The following UBXN2B variants were observed in gnomAD, a reference collection of about 807,000 sequenced individuals.
UBXN2B encodes the protein UBX domain-containing protein 2B.
Under a neutral mutation model 37.5 loss-of-function variants are expected in UBXN2B, and 19 were observed. The ratio of observed to expected loss-of-function variants is 0.51; its 90% CI spans 0.35 to 0.74. The LOEUF (loss-of-function observed/expected upper bound fraction) is 0.74. Ranked by LOEUF, UBXN2B falls within the 30% of genes least tolerant of loss-of-function variation. UBXN2B has a pLI of 0.01. For synonymous variants in UBXN2B, 145 were observed against 143.8 expected (o/e 1.01, Z -0.06); for missense variants, 370 against 393.2 (o/e 0.94, Z 0.50).
chr8:58,419,883 C>T (rs1209443373), intron 2 of UBXN2B, among the ~76,000 whole-genome samples: 1 of 152,208 alleles, frequency 6.6e-6, no homozygotes, highest in African/African-American at 2.4e-5. Flanking sequence ...AGGCCCCATG[C>T]TTAGAAGGGC....
chr8:58,416,067 CA>C (rs1331957085), intron 1 of UBXN2B, among the ~76,000 whole-genome samples: 102 of 118,456 alleles, frequency 8.6e-4, no homozygotes, highest in Middle Eastern at 4.7e-3. Context: ...TTGAAAAAAA[CA>C]AAAAAAAAAA....
intron 2 of UBXN2B, 90 bp downstream of exon 2, chr8:58,417,043 A>G (rs1317198757): frequency 2.9e-6 from 3 of 1,022,946 alleles, no homozygotes; most frequent in East Asian, 5.7e-5. Flanking sequence ...GCCTTCTTCA[A>G]GGTTTCTTCA....
intron 2 of UBXN2B, among the ~76,000 whole-genome samples, chr8:58,418,241 CAAAAAAAAA>C (rs56073006): frequency 3.7e-5 from 4 of 109,124 alleles, no homozygotes; most frequent in African/African-American, 1.5e-4. Flanking sequence ...ACTCTGTCTC[CAAAAAAAAA>C]AAAAAAAAAA....
Position 58,451,028 on chromosome 8 carries a change from C to CA in UBXN2B, c.*3478dup. On this transcript the variant is annotated 3_prime_UTR_variant, in exon 8 of 8. Transcript: ENST00000399598. ...ATTACCAGGGGTAAAACAACTTTTT[C>CA]ATGGGTCAAAATCATCTTCCGAAGA... is the stretch of plus-strand genomic sequence containing the variant. The CA allele has an allele frequency of 6.5e-6, 1 of 152,714 alleles. No homozygotes were observed. Among genetic ancestry groups the CA allele is most frequent in the South Asian group, 2.1e-4 (1 of 4,824 alleles). 9.5% of individuals were successfully genotyped at this position (152,714 alleles called of 1,614,324 possible). A position where few individuals can be genotyped will look rare whatever the true frequency, so the allele number is the denominator to read the frequency against.
intron 1 of UBXN2B, among the ~76,000 whole-genome samples, chr8:58,413,890 T>C (rs1400668957): frequency 1.3e-5 from 2 of 152,286 alleles, no homozygotes; most frequent in South Asian, 2.1e-4. Context: ...ACCTCACCAG[T>C]GTTCAATAGT....
chr8:58,418,234 C>G (rs1236771333), intron 2 of UBXN2B, among the ~76,000 whole-genome samples: 1 of 122,156 alleles, frequency 8.2e-6, no homozygotes, highest in African/African-American at 3.3e-5. Context: ...GAGAAGGACT[C>G]TGTCTCCAAA....
At chr8:58,426,058 G>T in intron 2 of UBXN2B, 1 of 1,385,062 alleles carries the variant, frequency 7.2e-7, no homozygotes, top group Non-Finnish European at 1.0e-6. Flanking sequence ...GATCTGCACA[G>T]TTCAGAGGAT....
intron 6 of UBXN2B, among the ~76,000 whole-genome samples, chr8:58,440,244 G>C (rs1340107680): frequency 1.3e-5 from 2 of 152,152 alleles, no homozygotes; most frequent in Admixed American, 1.3e-4. Context: ...AATTGTAAAG[G>C]GTTGTCGATG....
chr8:58,415,164 G>C (rs1359222113), intron 1 of UBXN2B, among the ~76,000 whole-genome samples: 3 of 151,912 alleles, frequency 2.0e-5, no homozygotes, highest in Non-Finnish European at 4.4e-5. Context: ...AATGTCATTG[G>C]GGGTATTACG....
At chr8:58,439,575 C>A in intron 5 of UBXN2B, 58 bp from the exon 6 acceptor site, 1 of 1,553,234 alleles carries the variant, frequency 6.4e-7, no homozygotes. Flanking sequence ...GTAATCTCAA[C>A]AGTGTAGTTT....
At chr8:58,444,652 G>A (rs1037096523) in intron 6 of UBXN2B, among the ~76,000 whole-genome samples, 14 of 152,282 alleles carry the variant, frequency 9.2e-5, no homozygotes, top group Middle Eastern at 3.4e-3. Flanking sequence ...TGTAAGGAAC[G>A]CTGGACTCTT....
chr8:58,436,072 C>T lies in UBXN2B; in HGVS notation c.533+1568C>T, dbSNP rs145095253. 3.6e-3 allele frequency among the ~76,000 whole-genome samples: 549 copies of T among 152,230 alleles called. 6 individuals are homozygous for T. The highest frequency in any genetic ancestry group is 0.013 in the African/African-American group (522 of 41,530). On this transcript the variant is annotated intron_variant, in intron 5 of 7. Coordinates refer to ENST00000399598, the MANE Select transcript of UBXN2B (RefSeq NM_001077619.2). ...TTAGTTTATAAATGCCCTGGTATGA[C>T]CACACAGCACACCTAAGAAGTAGTT...
rs1808706967 is a variant in UBXN2B at position 58,447,412 on chromosome 8, T to C, written c.857T>C (p.Ile286Thr). The C allele has an allele frequency of 6.2e-7, 1 of 1,604,466 alleles. No homozygotes were observed. Among genetic ancestry groups the C allele is most frequent in the African/African-American group, 1.3e-5 (1 of 74,922 alleles). ...THRILDVRNF[I>T]VQSRPEFAAL... is the part of the protein sequence containing the mutation. ...AGGATCCTGGATGTCCGGAACTTTA[T>C]TGTACAGTCTCGTCCTGAATTTGCG... is the stretch of plus-strand genomic sequence containing the variant. Residue 286 changes from isoleucine to threonine, a missense_variant, in exon 8 of 8, where the codon ATT (isoleucine) becomes ACT (threonine). Ile to Thr is a moderately conservative substitution (Grantham distance 89). This residue lies in a region of UBXN2B where 83 missense variants were observed against 83.5 expected (regional missense o/e 0.99). Transcript: ENST00000399598.
Position 58,435,227 on chromosome 8 carries a change from T to C in UBXN2B, c.533+723T>C, listed in dbSNP as rs182362333. On this transcript the variant is annotated intron_variant, in intron 5 of 7. Transcript: ENST00000399598. ...TACTGTATATAACCAGAGTTATATA[T>C]ACAGGGTTATACTCCATAAAGGAAT... The C allele has an allele frequency of 1.6e-4, 135 of 836,974 alleles. No homozygotes were observed. The African/African-American group carries it at 2.2e-3, about 14-fold the overall frequency. 51.8% of individuals were successfully genotyped at this position (836,974 alleles called of 1,614,324 possible). A position where few individuals can be genotyped will look rare whatever the true frequency, so the allele number is the denominator to read the frequency against.
intron 7 of UBXN2B, 52 bp downstream of exon 7, chr8:58,446,120 C>A: frequency 6.6e-7 from 1 of 1,506,710 alleles, no homozygotes; most frequent in South Asian, 1.3e-5. Flanking sequence ...CACTGGATTG[C>A]TTATCTAAGT....
In UBXN2B at chr8:58,417,012, A is replaced by G. The variant is rs566688884; in HGVS notation, c.188+59A>G. The G allele has an allele frequency of 4.2e-5, 58 of 1,383,194 alleles. No individual in the cohort carries two copies. In the South Asian group the frequency reaches 7.8e-4, roughly 19 times the overall value. 85.7% of individuals were successfully genotyped at this position (1,383,194 alleles called of 1,614,324 possible). A position where few individuals can be genotyped will look rare whatever the true frequency, so the allele number is the denominator to read the frequency against. Reference sequence around the variant, plus strand: ...TTATAATCCTTTCTAAAAATTTACTAACTTCAAATTATTTTAAATGGCCTT... The same window carrying G: ...TTATAATCCTTTCTAAAAATTTACTGACTTCAAATTATTTTAAATGGCCTT... On this transcript the variant is annotated intron_variant, in intron 2 of 7. Transcript: ENST00000399598.
chr8:58,428,395 A>C (rs1289494653), intron 2 of UBXN2B, among the ~76,000 whole-genome samples: 1 of 152,254 alleles, frequency 6.6e-6, no homozygotes, highest in Non-Finnish European at 1.5e-5. Flanking sequence ...AATTGGAAAT[A>C]AATAAAGCTC....
Position 58,416,904 on chromosome 8 carries a change from A to G in UBXN2B, c.139A>G (p.Asn47Asp). 6.2e-7 allele frequency: 1 copy of G among 1,612,994 alleles called. No homozygotes were observed. Among genetic ancestry groups the G allele is most frequent in the Non-Finnish European group, 8.5e-7 (1 of 1,179,192 alleles). Residue 47 changes from asparagine to aspartate, a missense_variant, in exon 2 of 8, where the codon AAT becomes GAT. Asn to Asp is a conservative substitution (Grantham distance 23). This residue lies in a region of UBXN2B where 197 missense variants were observed against 170.2 expected (regional missense o/e 1.16). Transcript: ENST00000399598. ...DEVKCKSSKSNRPKATVFKSP... is the reference protein window; with the variant it reads ...DEVKCKSSKSDRPKATVFKSP... ...AGTGAAGTGCAAATCTTCCAAGTCTAATAGACCTAAAGCCACAGTCTTCAA... is the reference window on the plus strand; with the variant it reads ...AGTGAAGTGCAAATCTTCCAAGTCTGATAGACCTAAAGCCACAGTCTTCAA...
chr8:58,429,974 A>T (rs1156401735), intron 2 of UBXN2B, among the ~76,000 whole-genome samples: 1 of 152,166 alleles, frequency 6.6e-6, no homozygotes, highest in Non-Finnish European at 1.5e-5. Flanking sequence ...TTACTGTCTA[A>T]ATTATTTACT....
Sources: gnomAD v4.1 joint callset for allele counts (sites outside exome capture counted in the v4.1 genomes callset) on GRCh38, gnomAD v4.1.1 for gene constraint, gnomAD v4.1.1 regional missense constraint, MANE v1.5 for transcripts, NCBI Gene and HGNC (gene_info 2026-07-23, HGNC 2026-07-21) for gene names.